Variants in DKC1 observed in about 807,000 individuals in gnomAD.
DKC1 encodes the protein H/ACA ribonucleoprotein complex subunit DKC1.
In DKC1, 4 loss-of-function variants were observed where a neutral mutation model predicts 46.7. The observed-to-expected ratio is 0.09, with a 90% CI of 0.04 to 0.20. DKC1 has a LOEUF of 0.20. Among genes scored for constraint, DKC1 ranks in the 10% least tolerant of loss-of-function variants. The probability of loss-of-function intolerance (pLI) is 1.00; values close to 1 mark genes in which losing one functional copy is unlikely to be tolerated. For missense variants in DKC1, 171 were observed against 404.2 expected, an observed-to-expected ratio of 0.42 and a Z score of 4.95; for synonymous variants, 141 against 142.4, an observed-to-expected ratio of 0.99 and a Z score of 0.07.
At chrX:154,763,026 G>T (rs1557263747) in intron 1 of DKC1, 45 bp downstream of exon 1, 1 of 1,155,217 alleles carries the variant, frequency 8.7e-7, no homozygotes, top group Non-Finnish European at 1.2e-6. Context: ...CGGGCGACTC[G>T]GGGAACGGGG....
chrX:154,767,245 T>C lies in DKC1; in HGVS notation c.514-11T>C, dbSNP rs782261412. ...GATGAGGTGTTTGTTTTCATTTGTG[T>C]TTGTTCTTAGGCCCTAGAAACTCTG... On this transcript the variant is annotated splice_polypyrimidine_tract_variant and intron_variant, in intron 6 of 14. Coordinates refer to ENST00000369550, the MANE Select transcript of DKC1 (RefSeq NM_001363.5). The C allele has an allele frequency of 8.3e-7, 1 of 1,210,035 alleles. No individual in the cohort carries two copies. The highest frequency in any genetic ancestry group is 1.1e-6 in the Non-Finnish European group (1 of 895,137).
chrX:154,766,477 A>G (rs1275681244), intron 5 of DKC1, 77 bp downstream of exon 5: 1 of 971,688 alleles, frequency 1.0e-6, no homozygotes, highest in African/African-American at 1.9e-5. Flanking sequence ...TGTCTGCTGG[A>G]AACTATTTCT....
intron 7 of DKC1, 71 bp downstream of exon 7, chrX:154,767,453 G>A (rs2071760152): frequency 1.7e-6 from 2 of 1,154,086 alleles, no homozygotes; most frequent in Non-Finnish European, 2.4e-6. Context: ...AAAAGTAGAT[G>A]CCCTTGAAGT....
In DKC1 at chrX:154,762,941, C is replaced by T. The variant is rs782132968; in HGVS notation, c.-25C>T. ...GTCGTTCCCTCGGCTGTGGACCGGG[C>T]GGCACGCACGCGGTGCAGGGTAACA... On this transcript the variant is annotated 5_prime_UTR_variant, in exon 1 of 15. Transcript: ENST00000369550. The T allele has an allele frequency of 8.5e-7, 1 of 1,177,541 alleles. No homozygotes were observed. The highest frequency in any genetic ancestry group is 1.1e-6 in the Non-Finnish European group (1 of 877,749).
At chrX:154,775,427 T>TG in intron 13 of DKC1, 154 bp downstream of exon 13, 1 of 567,954 alleles carries the variant, frequency 1.8e-6, no homozygotes, top group Non-Finnish European at 3.0e-6. Flanking sequence ...CCTCATACCC[T>TG]GGGGTGCTTG....
chrX:154,766,764 A>G (rs782512877), intron 5 of DKC1, among the ~76,000 whole-genome samples: 43 of 111,597 alleles, frequency 3.9e-4, no homozygotes, highest in Admixed American at 1.5e-3. Context: ...CGCAGCTTCT[A>G]CACTGAGTAC....
chrX:154,776,328 T>G lies in DKC1; in HGVS notation c.1476+4T>G, dbSNP rs1557265704. 1 of 1,185,813 alleles carries G rather than the reference T, an allele frequency of 8.4e-7. No individual in the cohort carries two copies. The highest frequency in any genetic ancestry group is 1.8e-5 in the South Asian group (1 of 54,335). The stretch of plus-strand genomic sequence containing the variant: ...CGGGGCCGAGCCTGGAGATGGGGTG[T>G]GTGGAAACACGTTCAGGTTCCTTGG... On this transcript the variant is annotated splice_donor_region_variant and intron_variant, in intron 14 of 14. Transcript: ENST00000369550.
At chrX:154,766,118 C>T in intron 4 of DKC1, 98 bp from the exon 5 acceptor site, 2 of 1,013,262 alleles carry the variant, frequency 2.0e-6, no homozygotes, top group Non-Finnish European at 2.8e-6. Flanking sequence ...TAACCTGTAC[C>T]CGCAGTGAAT....
intron 11 of DKC1, 92 bp from the exon 12 acceptor site, chrX:154,774,510 C>G (rs1379559798): frequency 2.5e-6 from 2 of 810,082 alleles, no homozygotes; most frequent in African/African-American, 4.1e-5. Context: ...TGAGAATACA[C>G]CAGGGAGGAA....
chrX:154,763,039 G>A (rs374170960), intron 1 of DKC1, 58 bp downstream of exon 1: 2 of 1,140,151 alleles, frequency 1.8e-6, no homozygotes, highest in Non-Finnish European at 1.2e-6. Flanking sequence ...GAACGGGGGT[G>A]GGGGGATGGT....
Position 154,762,941 on chromosome X carries a change from C to A in DKC1, c.-25C>A, listed in dbSNP as rs782132968. 2 of 1,176,364 alleles carry A rather than the reference C, an allele frequency of 1.7e-6. No homozygotes were observed. The highest frequency in any genetic ancestry group is 2.3e-6 in the Non-Finnish European group (2 of 877,529). On this transcript the variant is annotated 5_prime_UTR_variant, in exon 1 of 15. Coordinates refer to ENST00000369550, the MANE Select transcript of DKC1 (RefSeq NM_001363.5). ...GTCGTTCCCTCGGCTGTGGACCGGG[C>A]GGCACGCACGCGGTGCAGGGTAACA...
intron 1 of DKC1, 21 bp downstream of exon 1, chrX:154,763,002 G>A: frequency 8.5e-7 from 1 of 1,175,930 alleles, no homozygotes; most frequent in Non-Finnish European, 1.1e-6. Flanking sequence ...CAGGCTTCCG[G>A]GCCGTGCTAA....
rs1569558682 is a variant in DKC1 at position 154,777,010 on chromosome X, C to T, written c.*143C>T. 2.1e-6 allele frequency: 1 copy of T among 467,167 alleles called. No individual in the cohort carries two copies. Among genetic ancestry groups the T allele is most frequent in the Non-Finnish European group, 3.7e-6 (1 of 269,130 alleles). The allele number at this position is 467,167 out of a possible 1,213,427, so 38.5% of individuals were successfully genotyped here. The stretch of plus-strand genomic sequence containing the variant: ...CATTTTAGCTGCTACTTTGAGACCT[C>T]GGTGATGTTACCTGGTGTGGTCATC... On this transcript the variant is annotated 3_prime_UTR_variant, in exon 15 of 15. Coordinates refer to ENST00000369550, the MANE Select transcript of DKC1 (RefSeq NM_001363.5).
rs1424548198 is a variant in DKC1 at position 154,776,711 on chromosome X, C to T, written c.1477-88C>T. On this transcript the variant is annotated intron_variant, in intron 14 of 14. Coordinates refer to ENST00000369550, the MANE Select transcript of DKC1 (RefSeq NM_001363.5). Reference sequence around the variant, plus strand: ...CAGGTCCTGAAAAAGGCTTGCTTGACTGTGGACCTTTACCAGATTTCCTTC... The same window carrying T: ...CAGGTCCTGAAAAAGGCTTGCTTGATTGTGGACCTTTACCAGATTTCCTTC... 4.2e-6 allele frequency: 4 copies of T among 949,745 alleles called. No individual in the cohort carries two copies. In the African/African-American group the frequency reaches 5.7e-5, roughly 14 times the overall value. 78.3% of individuals were successfully genotyped at this position (949,745 alleles called of 1,213,427 possible). A position where few individuals can be genotyped will look rare whatever the true frequency, so the allele number is the denominator to read the frequency against.
At chrX:154,773,413 A>G (rs1557265201) in intron 11 of DKC1, among the ~76,000 whole-genome samples, 164 bp downstream of exon 11, 1 of 107,034 alleles carries the variant, frequency 9.3e-6, no homozygotes, top group Non-Finnish European at 1.9e-5. Flanking sequence ...CAAGTGAACA[A>G]AGGTCTCTGG....
At chrX:154,776,131 C>G in intron 13 of DKC1, 56 bp from the exon 14 acceptor site, 2 of 1,201,013 alleles carry the variant, frequency 1.7e-6, no homozygotes, top group Non-Finnish European at 2.3e-6. Context: ...CTCACTGAAC[C>G]TTTCTTGTCC....
chrX:154,769,152 A>G lies in DKC1; in HGVS notation c.772-15A>G. ...CAAATAAACTGAATTATTTTCATAC[A>G]TGGCTGCTTTTCAGGACCACATGGT... On this transcript the variant is annotated splice_polypyrimidine_tract_variant and intron_variant, in intron 8 of 14. Transcript: ENST00000369550. 8.3e-7 allele frequency: 1 copy of G among 1,210,657 alleles called. No individual in the cohort carries two copies. The highest frequency in any genetic ancestry group is 1.1e-6 in the Non-Finnish European group (1 of 894,573).
At chrX:154,775,372 A>G in intron 13 of DKC1, 99 bp downstream of exon 13, 1 of 830,787 alleles carries the variant, frequency 1.2e-6, no homozygotes. Context: ...CAGTCCAGCC[A>G]TATACGCTAG....
intron 1 of DKC1, among the ~76,000 whole-genome samples, chrX:154,763,966 C>T (rs1318813859): frequency 9.0e-6 from 1 of 110,827 alleles, no homozygotes; most frequent in African/African-American, 3.3e-5. Context: ...CAAGACCAGC[C>T]TGGCCAACAT....
Sources: gnomAD v4.1 joint callset for allele counts (sites outside exome capture counted in the v4.1 genomes callset) on GRCh38, gnomAD v4.1.1 for gene constraint, MANE v1.5 for transcripts, NCBI Gene and HGNC (gene_info 2026-07-23, HGNC 2026-07-21) for gene names.